CDH13: variants seen among roughly 807,000 people sequenced by gnomAD.
The protein encoded by CDH13 is cadherin-13.
CDH13 carries 24 observed loss-of-function variants against 63.8 expected under a neutral mutation model. The ratio of observed to expected loss-of-function variants is 0.38; its 90% CI spans 0.27 to 0.53. The LOEUF (loss-of-function observed/expected upper bound fraction) is 0.53, where lower values mean the gene tolerates loss of function less well. CDH13 is among the 20% of genes least tolerant of loss of function. The probability of loss-of-function intolerance (pLI) is 0.85; values close to 1 mark genes in which losing one functional copy is unlikely to be tolerated. For missense variants in CDH13, 1,049 were observed against 903.1 expected (o/e 1.16, Z -2.07); for synonymous variants, 503 against 355.3 (o/e 1.42, Z -4.67).
Position 83,512,835 on chromosome 16 carries a change from C to T in CDH13, c.960+26180C>T, listed in dbSNP as rs533733404. ...GGTAAAACACATTCTCGGGCCTCCC[C>T]ACAAACCTCTTGATTTGGAACCCTG... On this transcript the variant is annotated intron_variant, in intron 7 of 13. Coordinates refer to ENST00000567109, the MANE Select transcript of CDH13 (RefSeq NM_001257.5). Among the ~76,000 whole-genome samples, 3 of 152,148 alleles carry T rather than the reference C, an allele frequency of 2.0e-5. No homozygotes were observed. In the East Asian group the frequency reaches 5.8e-4, roughly 29 times the overall value.
At chr16:82,677,591 G>A (rs1914079569) in intron 1 of CDH13, among the ~76,000 whole-genome samples, 1 of 152,026 alleles carries the variant, frequency 6.6e-6, no homozygotes, top group South Asian at 2.1e-4. Context: ...TTTCAACAGT[G>A]AGGAAATCAG....
At chr16:83,457,617 G>A (rs1428077804) in intron 6 of CDH13, among the ~76,000 whole-genome samples, 1 of 151,998 alleles carries the variant, frequency 6.6e-6, no homozygotes, top group Non-Finnish European at 1.5e-5. Flanking sequence ...CAATAAGCAG[G>A]AGGAGCACCT....
chr16:83,136,612 G>A (rs1292721435), intron 4 of CDH13, among the ~76,000 whole-genome samples: 2 of 152,180 alleles, frequency 1.3e-5, no homozygotes, highest in Non-Finnish European at 2.9e-5. Flanking sequence ...GGTCTGCCAG[G>A]GGAGAAACTG....
In CDH13 at chr16:83,205,269, G is replaced by C. The variant is rs548736199; in HGVS notation, c.484-12076G>C. Among the ~76,000 whole-genome samples the C allele has an allele frequency of 7.2e-5, 11 of 152,288 alleles. No individual in the cohort carries two copies. The East Asian group carries it at 1.4e-3, about 19-fold the overall frequency. On this transcript the variant is annotated intron_variant, in intron 4 of 13. Transcript: ENST00000567109. ...CATGCATTAAGAAATCAGAAATTCA[G>C]AAAGAGACACTTACAAATACCTAGT...
chr16:83,376,626 G>T (rs962194554), intron 6 of CDH13, among the ~76,000 whole-genome samples: 1 of 152,150 alleles, frequency 6.6e-6, no homozygotes, highest in African/African-American at 2.4e-5. Context: ...GATGACAAGG[G>T]CTTGGTCTCA....
chr16:83,392,308 C>T (rs775833246), intron 6 of CDH13, among the ~76,000 whole-genome samples: 4 of 152,114 alleles, frequency 2.6e-5, no homozygotes, highest in Non-Finnish European at 4.4e-5. Flanking sequence ...TCCTTAGCGC[C>T]GTGCCTCACG....
chr16:83,119,535 A>G (rs534780207), intron 3 of CDH13, among the ~76,000 whole-genome samples: 2 of 152,252 alleles, frequency 1.3e-5, no homozygotes, highest in African/African-American at 4.8e-5. Context: ...CTTTACGCTG[A>G]TCTTCAGTTC....
At chr16:83,339,320 T>G (rs1431130443) in intron 5 of CDH13, among the ~76,000 whole-genome samples, 3 of 152,192 alleles carry the variant, frequency 2.0e-5, no homozygotes, top group Non-Finnish European at 4.4e-5. Context: ...TTTATCATAC[T>G]TTCTGGTTGC....
At chr16:83,164,798 T>C (rs1043699238) in intron 4 of CDH13, among the ~76,000 whole-genome samples, 3 of 151,416 alleles carry the variant, frequency 2.0e-5, no homozygotes, top group South Asian at 2.1e-4. Flanking sequence ...AGACTACCAA[T>C]AACCAATGCT....
At chr16:82,753,587 A>G (rs1462016337) in intron 1 of CDH13, among the ~76,000 whole-genome samples, 1 of 152,208 alleles carries the variant, frequency 6.6e-6, no homozygotes, top group African/African-American at 2.4e-5. Flanking sequence ...CCATCAAAAA[A>G]AAATTCTTTA....
intron 4 of CDH13, among the ~76,000 whole-genome samples, chr16:83,129,652 C>T (rs1025385708): frequency 1.6e-4 from 24 of 152,162 alleles, no homozygotes; most frequent in Admixed American, 1.0e-3. Flanking sequence ...GGTGGAGGGC[C>T]GCTTCCAGGG....
At chr16:83,629,969 A>G (rs1598392869) in intron 8 of CDH13, among the ~76,000 whole-genome samples, 1 of 152,262 alleles carries the variant, frequency 6.6e-6, no homozygotes, top group Non-Finnish European at 1.5e-5. Context: ...AATGTATTTT[A>G]GCTGCCGTAT....
intron 2 of CDH13, among the ~76,000 whole-genome samples, chr16:82,937,564 C>T (rs2042710508): frequency 6.6e-6 from 1 of 152,172 alleles, no homozygotes; most frequent in African/African-American, 2.4e-5. Context: ...ATAGCAGACA[C>T]ACAAAATTTG....
At chr16:83,004,778 C>T (rs1184219635) in intron 2 of CDH13, among the ~76,000 whole-genome samples, 1 of 152,202 alleles carries the variant, frequency 6.6e-6, no homozygotes, top group African/African-American at 2.4e-5. Flanking sequence ...CAGGAGTGAG[C>T]TACTGTGCCA....
intron 2 of CDH13, among the ~76,000 whole-genome samples, chr16:82,869,846 C>T (rs986997633): frequency 6.6e-6 from 1 of 152,140 alleles, no homozygotes; most frequent in African/African-American, 2.4e-5. Context: ...GAATTAAAGA[C>T]TTAAATCTAA....
intron 1 of CDH13, among the ~76,000 whole-genome samples, chr16:82,636,592 A>G (rs1177071575): frequency 1.3e-5 from 2 of 152,192 alleles, no homozygotes; most frequent in African/African-American, 4.8e-5. Context: ...ACCCTCAGCA[A>G]TCGCTTTGCC....
chr16:82,912,808 T>C (rs973669269), intron 2 of CDH13, among the ~76,000 whole-genome samples: 2 of 152,056 alleles, frequency 1.3e-5, no homozygotes, highest in African/African-American at 4.8e-5. Flanking sequence ...CTGGGCGTGG[T>C]GGCGGGCACC....
chr16:82,944,031 C>A (rs1202890261), intron 2 of CDH13, among the ~76,000 whole-genome samples: 2 of 152,098 alleles, frequency 1.3e-5, no homozygotes, highest in Admixed American at 6.6e-5. Context: ...AGCTGAGTCC[C>A]CTTGAGATTA....
chr16:83,532,726 C>T (rs181666796), intron 7 of CDH13, among the ~76,000 whole-genome samples: 2 of 152,344 alleles, frequency 1.3e-5, no homozygotes, highest in East Asian at 3.9e-4. Flanking sequence ...CATTGGCCAT[C>T]TGCCTGAGTA....
Sources: allele counts gnomAD v4.1 joint callset (sites outside exome capture counted in the v4.1 genomes callset), GRCh38; gene constraint gnomAD v4.1.1; transcripts MANE v1.5; gene names NCBI Gene and HGNC (gene_info 2026-07-23, HGNC 2026-07-21).